Variants in TBL1X observed in about 807,000 individuals in gnomAD.
The protein encoded by TBL1X is F-box-like/WD repeat-containing protein TBL1X.
In TBL1X, 10 loss-of-function variants were observed where a neutral mutation model predicts 50.7. The ratio of observed to expected loss-of-function variants is 0.20; its 90% CI spans 0.12 to 0.33. The LOEUF is 0.33. TBL1X is among the 10% of genes least tolerant of loss of function. The pLI, the probability that TBL1X is intolerant of heterozygous loss-of-function variation, is 1.00. For synonymous variants in TBL1X, 190 were observed against 214.7 expected (o/e 0.88, Z 1.01); for missense variants, 340 against 504.4 (o/e 0.67, Z 3.12).
chrX:9,669,250 C>T (rs1353766400), intron 5 of TBL1X, among the ~76,000 whole-genome samples: 2 of 111,417 alleles, frequency 1.8e-5, no homozygotes, highest in African/African-American at 6.5e-5. Flanking sequence ...GCGACAAAAA[C>T]GTTTCAGATT....
intron 2 of TBL1X, among the ~76,000 whole-genome samples, chrX:9,556,272 G>A (rs2082298971): frequency 9.0e-6 from 1 of 110,767 alleles, no homozygotes; most frequent in Non-Finnish European, 1.9e-5. Context: ...TGATGAGAAT[G>A]CAGTGGTGGG....
At chrX:9,693,257 C>T (rs764977507) in intron 10 of TBL1X, 45 bp downstream of exon 10, 5 of 1,208,342 alleles carry the variant, frequency 4.1e-6, no homozygotes, top group Non-Finnish European at 5.6e-6. Context: ...AGAGGAGCTG[C>T]CGAACTTAAC....
chrX:9,697,342 A>G lies in TBL1X; in HGVS notation c.1054-27A>G. On this transcript the variant is annotated intron_variant, in intron 11 of 17. Transcript: ENST00000645353. ...GAAAACTTTGCCAGAATAGTTACTAACTTTTTCCTTTGTTTGCGGAACACA... is the reference window on the plus strand; with the variant it reads ...GAAAACTTTGCCAGAATAGTTACTAGCTTTTTCCTTTGTTTGCGGAACACA... 6 of 1,206,389 alleles carry G rather than the reference A, an allele frequency of 5.0e-6. No homozygotes were observed. The South Asian group carries it at 1.1e-4, about 22-fold the overall frequency.
chrX:9,716,462 G>A lies in TBL1X; in HGVS notation c.*216G>A, dbSNP rs1181161753. ...AAAACAGAAGCAAATCATATCAAAC[G>A]GGGATAGAATGGTTTCCACTGAGGA... On this transcript the variant is annotated 3_prime_UTR_variant, in exon 18 of 18. Transcript: ENST00000645353. 2.9e-5 allele frequency: 11 copies of A among 376,235 alleles called. No individual in the cohort carries two copies. The highest frequency in any genetic ancestry group is 4.6e-5 in the Non-Finnish European group (10 of 217,622). The allele number at this position is 376,235 out of a possible 1,213,427, so 31.0% of individuals were successfully genotyped here.
intron 1 of TBL1X, among the ~76,000 whole-genome samples, chrX:9,473,720 T>C (rs2081832008): frequency 8.9e-6 from 1 of 112,074 alleles, no homozygotes; most frequent in African/African-American, 3.2e-5. Context: ...ATGAAGAAAA[T>C]ACCAGATTCA....
At chrX:9,575,692 C>T (rs1261550537) in intron 2 of TBL1X, among the ~76,000 whole-genome samples, 2 of 112,075 alleles carry the variant, frequency 1.8e-5, no homozygotes, top group Non-Finnish European at 3.8e-5. Context: ...TTGAAAGCCA[C>T]TTACTACACG....
chrX:9,478,439 A>G (rs941787568), intron 1 of TBL1X, among the ~76,000 whole-genome samples: 3 of 111,973 alleles, frequency 2.7e-5, no homozygotes, highest in Admixed American at 1.9e-4. Flanking sequence ...TATATCAATG[A>G]GAAAATTATA....
chrX:9,486,759 G>A (rs954401767), intron 1 of TBL1X, among the ~76,000 whole-genome samples: 4 of 111,395 alleles, frequency 3.6e-5, no homozygotes, highest in Admixed American at 9.5e-5. Flanking sequence ...GCCATGTCAC[G>A]GGCCATGGTC....
At chrX:9,573,888 G>A (rs1359058284) in intron 2 of TBL1X, among the ~76,000 whole-genome samples, 2 of 112,770 alleles carry the variant, frequency 1.8e-5, no homozygotes, top group Non-Finnish European at 3.8e-5. Context: ...ATCTCTGGAG[G>A]TGGAGGATAG....
intron 2 of TBL1X, among the ~76,000 whole-genome samples, chrX:9,615,111 A>G (rs1363171084): frequency 8.9e-6 from 1 of 111,760 alleles, no homozygotes; most frequent in Non-Finnish European, 1.9e-5. Flanking sequence ...TGACCAGGAC[A>G]TCACTCGCAG....
chrX:9,596,343 A>G (rs1480248142), intron 2 of TBL1X, among the ~76,000 whole-genome samples: 1 of 112,354 alleles, frequency 8.9e-6, no homozygotes, highest in Non-Finnish European at 1.9e-5. Flanking sequence ...AATCCCAGCT[A>G]TCCATAGAAA....
chrX:9,633,657 C>T (rs1481366850), intron 2 of TBL1X, among the ~76,000 whole-genome samples: 1 of 111,901 alleles, frequency 8.9e-6, no homozygotes, highest in South Asian at 3.7e-4. Flanking sequence ...AGTACTGTCA[C>T]CTTTAGATTT....
intron 2 of TBL1X, among the ~76,000 whole-genome samples, chrX:9,533,430 T>C (rs1421653116): frequency 8.9e-6 from 1 of 112,030 alleles, no homozygotes; most frequent in Non-Finnish European, 1.9e-5. Context: ...ATAAACATAA[T>C]GCTGCAGTTC....
intron 1 of TBL1X, among the ~76,000 whole-genome samples, chrX:9,494,071 T>G (rs1042298595): frequency 8.1e-5 from 9 of 111,705 alleles, no homozygotes; most frequent in African/African-American, 2.9e-4. Flanking sequence ...GATGGAGCTG[T>G]GGGGGATCAT....
At chrX:9,632,237 G>A (rs1357605929) in intron 2 of TBL1X, among the ~76,000 whole-genome samples, 1 of 111,450 alleles carries the variant, frequency 9.0e-6, no homozygotes. Flanking sequence ...TTAACTGAGA[G>A]TTTTACAACT....
chrX:9,477,503 TC>T (rs1236722890), intron 1 of TBL1X, among the ~76,000 whole-genome samples: 1 of 112,100 alleles, frequency 8.9e-6, no homozygotes, highest in African/African-American at 3.2e-5. Context: ...CATTGTGTAT[TC>T]AGGTTGGGCA....
At chrX:9,605,861 A>C (rs759671227) in intron 2 of TBL1X, among the ~76,000 whole-genome samples, 1 of 112,492 alleles carries the variant, frequency 8.9e-6, no homozygotes, top group South Asian at 3.7e-4. Context: ...GTATTGGATT[A>C]GTTTCTGTGC....
chrX:9,592,890 T>A (rs895150971), intron 2 of TBL1X, among the ~76,000 whole-genome samples: 2 of 112,283 alleles, frequency 1.8e-5, no homozygotes, highest in Non-Finnish European at 3.8e-5. Context: ...GTGCCCAGAT[T>A]GGTACAGAAA....
intron 3 of TBL1X, among the ~76,000 whole-genome samples, chrX:9,652,523 G>A (rs919543557): frequency 3.6e-5 from 4 of 112,662 alleles, no homozygotes; most frequent in African/African-American, 1.3e-4. Context: ...TTGCAAATGT[G>A]TGATATAGAC....
Sources: allele counts gnomAD v4.1 joint callset (sites outside exome capture counted in the v4.1 genomes callset), GRCh38; gene constraint gnomAD v4.1.1; transcripts MANE v1.5; gene names NCBI Gene and HGNC (gene_info 2026-07-23, HGNC 2026-07-21).